The following VWC2L variants were observed in gnomAD, a reference collection of about 807,000 sequenced individuals.
VWC2L encodes the protein von Willebrand factor C domain containing 2 like.
VWC2L carries 10 observed loss-of-function variants against 21.6 expected under a neutral mutation model. The ratio of observed to expected loss-of-function variants is 0.46; its 90% CI spans 0.29 to 0.78. The LOEUF is 0.78. Ranked by LOEUF, VWC2L falls within the 30% of genes least tolerant of loss-of-function variation. VWC2L has a pLI of 0.10. For synonymous variants in VWC2L, 96 were observed against 94.3 expected (o/e 1.02, Z -0.10); for missense variants, 209 against 277.1 (o/e 0.75, Z 1.74).
chr2:214,461,212 G>C (rs900222448), intron 3 of VWC2L, among the ~76,000 whole-genome samples: 1 of 151,988 alleles, frequency 6.6e-6, no homozygotes, highest in African/African-American at 2.4e-5. Flanking sequence ...TGGTGGTAGT[G>C]GATTTAAGTG....
chr2:214,477,662 T>G (rs1688544007), intron 3 of VWC2L, among the ~76,000 whole-genome samples: 1 of 152,264 alleles, frequency 6.6e-6, no homozygotes, highest in South Asian at 2.1e-4. Flanking sequence ...CTTAAAATAT[T>G]ATACCTCTTG....
intron 3 of VWC2L, among the ~76,000 whole-genome samples, chr2:214,469,290 C>A (rs1423311725): frequency 2.0e-5 from 3 of 152,136 alleles, no homozygotes; most frequent in Non-Finnish European, 4.4e-5. Context: ...TCTATACCTC[C>A]TCACTAAAAG....
At position 214,483,415 on chromosome 2, in the gene VWC2L, CA is replaced by C. The variant is rs938333518; in HGVS notation, c.520+46668del. Among the ~76,000 whole-genome samples the C allele has an allele frequency of 1.6e-3, 218 of 132,900 alleles. 1 individual carries two copies. Among genetic ancestry groups the C allele is most frequent in the Admixed American group, 4.0e-3 (53 of 13,244 alleles). The allele number at this position is 132,900 out of a possible 152,430, so 87.2% of individuals were successfully genotyped here. On this transcript the variant is annotated intron_variant, in intron 3 of 3. Coordinates refer to ENST00000312504, the MANE Select transcript of VWC2L (RefSeq NM_001080500.4). ...ATTAGAATAATGTATCTGGCAAAAG[CA>C]AAAAAAAAAAGGAATTTCAAAGATT...
chr2:214,499,149 G>C (rs1013236840), intron 3 of VWC2L, among the ~76,000 whole-genome samples: 9 of 150,336 alleles, frequency 6.0e-5, no homozygotes, highest in Admixed American at 3.4e-4. Flanking sequence ...CTCCTGAGTA[G>C]CTGGGATTAC....
chr2:214,504,105 G>A (rs1207154498), intron 3 of VWC2L, among the ~76,000 whole-genome samples: 1 of 152,218 alleles, frequency 6.6e-6, no homozygotes, highest in Non-Finnish European at 1.5e-5. Context: ...GACCAGTTGG[G>A]TAGATGACTA....
chr2:214,517,656 A>G (rs1302706200), intron 3 of VWC2L, among the ~76,000 whole-genome samples: 1 of 152,232 alleles, frequency 6.6e-6, no homozygotes, highest in African/African-American at 2.4e-5. Context: ...AAACTAGCAA[A>G]TAAATGAACA....
chr2:214,564,713 G>C (rs926387470), intron 3 of VWC2L, among the ~76,000 whole-genome samples: 2 of 152,126 alleles, frequency 1.3e-5, no homozygotes, highest in African/African-American at 4.8e-5. Context: ...GGAAAGAAAG[G>C]AAGCACTACA....
intron 3 of VWC2L, among the ~76,000 whole-genome samples, chr2:214,539,058 C>T (rs970884263): frequency 2.6e-5 from 4 of 152,056 alleles, no homozygotes; most frequent in African/African-American, 9.7e-5. Flanking sequence ...GCAATGCTGC[C>T]TCATAAAATT....
chr2:214,422,659 G>A (rs1001825964), intron 2 of VWC2L, among the ~76,000 whole-genome samples: 1 of 152,166 alleles, frequency 6.6e-6, no homozygotes, highest in Non-Finnish European at 1.5e-5. Flanking sequence ...CATCACTACT[G>A]ATTAGCATCA....
At chr2:214,439,251 T>C (rs976527508) in intron 3 of VWC2L, among the ~76,000 whole-genome samples, 7 of 151,972 alleles carry the variant, frequency 4.6e-5, no homozygotes, top group African/African-American at 1.7e-4. Flanking sequence ...AGATGAATGA[T>C]ATATAGAAGA....
At chr2:214,438,865 G>A (rs1574564746) in intron 3 of VWC2L, among the ~76,000 whole-genome samples, 1 of 152,108 alleles carries the variant, frequency 6.6e-6, no homozygotes, top group East Asian at 1.9e-4. Flanking sequence ...ATAAACAGAT[G>A]CTAAGTACAC....
chr2:214,493,607 G>T (rs1458343095), intron 3 of VWC2L, among the ~76,000 whole-genome samples: 2 of 152,146 alleles, frequency 1.3e-5, no homozygotes, highest in African/African-American at 4.8e-5. Context: ...TACACTGAAA[G>T]AGGAAATGTC....
chr2:214,498,802 T>C (rs966427501), intron 3 of VWC2L, among the ~76,000 whole-genome samples: 1 of 150,506 alleles, frequency 6.6e-6, no homozygotes, highest in African/African-American at 2.4e-5. Context: ...TACATATAAA[T>C]CTACCACTGG....
In VWC2L at chr2:214,567,575, C is replaced by CAG. The variant is rs1451478991; in HGVS notation, c.521-8096_521-8095insGA. Among the ~76,000 whole-genome samples the CAG allele has an allele frequency of 1.7e-3, 216 of 127,848 alleles. 3 individuals are homozygous for CAG. The highest frequency in any genetic ancestry group is 4.5e-3 in the African/African-American group (146 of 32,194). The allele number at this position is 127,848 out of a possible 152,430, so 83.9% of individuals were successfully genotyped here. ...ACACACACACACACACACACACACA[C>CAG]ACACACACACACACACACACAGAGA... is the stretch of plus-strand genomic sequence containing the variant. On this transcript the variant is annotated intron_variant, in intron 3 of 3. Coordinates refer to ENST00000312504, the MANE Select transcript of VWC2L (RefSeq NM_001080500.4).
At chr2:214,519,912 A>C (rs1314754402) in intron 3 of VWC2L, among the ~76,000 whole-genome samples, 2 of 152,232 alleles carry the variant, frequency 1.3e-5, no homozygotes, top group Non-Finnish European at 2.9e-5. Flanking sequence ...ACAATAATCT[A>C]CATGTTTCAA....
At chr2:214,541,337 A>C (rs1689623502) in intron 3 of VWC2L, among the ~76,000 whole-genome samples, 1 of 151,950 alleles carries the variant, frequency 6.6e-6, no homozygotes, top group African/African-American at 2.4e-5. Flanking sequence ...AGCTGTTTCT[A>C]CATCAGGCTG....
At chr2:214,480,649 G>T (rs918531937) in intron 3 of VWC2L, among the ~76,000 whole-genome samples, 1 of 151,856 alleles carries the variant, frequency 6.6e-6, no homozygotes, top group Non-Finnish European at 1.5e-5. Flanking sequence ...TTTCATTCTG[G>T]GGATAACTTC....
chr2:214,460,250 G>T (rs1238340201), intron 3 of VWC2L, among the ~76,000 whole-genome samples: 1 of 152,040 alleles, frequency 6.6e-6, no homozygotes, highest in Non-Finnish European at 1.5e-5. Flanking sequence ...AAATCTTTTT[G>T]AATTGTGCCT....
At chr2:214,522,534 TATG>T (rs1689261758) in intron 3 of VWC2L, among the ~76,000 whole-genome samples, 1 of 152,144 alleles carries the variant, frequency 6.6e-6, no homozygotes, top group Non-Finnish European at 1.5e-5. Context: ...GTTACAGGCA[TATG>T]ATGTGATGTG....
Sources: allele counts gnomAD v4.1 joint callset (sites outside exome capture counted in the v4.1 genomes callset), GRCh38; gene constraint gnomAD v4.1.1; transcripts MANE v1.5; gene names NCBI Gene and HGNC (gene_info 2026-07-23, HGNC 2026-07-21).